The following C11orf65 variants were observed in gnomAD, a reference collection of about 807,000 sequenced individuals.
C11orf65 encodes the protein chromosome 11 open reading frame 65, also known as protein MFI.
A neutral mutation model predicts 35.3 loss-of-function variants in C11orf65; 38 were observed. That is an observed-to-expected ratio of 1.08 (90% CI 0.83 to 1.41). The LOEUF (loss-of-function observed/expected upper bound fraction) is 1.41. C11orf65 is among the 40% of genes most tolerant of loss of function. The probability of loss-of-function intolerance (pLI) is 0.00; values close to 1 mark genes in which losing one functional copy is unlikely to be tolerated. For missense variants in C11orf65, 370 were observed against 367.1 expected, an observed-to-expected ratio of 1.01 and a Z score of -0.06; for synonymous variants, 105 against 114.4, an observed-to-expected ratio of 0.92 and a Z score of 0.53.
intron 2 of C11orf65, among the ~76,000 whole-genome samples, chr11:108,452,626 T>G (rs140773394): frequency 0.022 from 3,324 of 152,248 alleles, 92 homozygotes; most frequent in African/African-American, 0.069. Flanking sequence ...GAAATACCAT[T>G]TGAGCCAGCC....
intron 3 of C11orf65, among the ~76,000 whole-genome samples, chr11:108,420,290 A>C (rs11212621): frequency 0.17 from 25,332 of 152,210 alleles, 2,777 homozygotes; most frequent in East Asian, 0.31. Context: ...TGCTTATATG[A>C]AGTTTGAGTG....
At chr11:108,329,461 C>T (rs1342407671), downstream of C11orf65, among the ~76,000 whole-genome samples, 1 of 151,762 alleles carries the variant, frequency 6.6e-6, no homozygotes, top group East Asian at 1.9e-4. Context: ...GGCTGGAGTA[C>T]AGTGGCGTGA....
At chr11:108,342,620 G>C (rs2087725834) in intron 2 of C11orf65, among the ~76,000 whole-genome samples, 1 of 152,088 alleles carries the variant, frequency 6.6e-6, no homozygotes, top group African/African-American at 2.4e-5. Flanking sequence ...TCCTAGATTT[G>C]ATAAAGCTGT....
At chr11:108,325,922 A>G in intron 6 of C11orf65, 4 of 1,057,480 alleles carry the variant, frequency 3.8e-6, no homozygotes, top group Non-Finnish European at 5.6e-6. Context: ...ATGCAGACAG[A>G]GAGGTCCTTA....
At chr11:108,392,244 G>A (rs1428508032) in intron 7 of C11orf65, among the ~76,000 whole-genome samples, 2 of 151,954 alleles carry the variant, frequency 1.3e-5, no homozygotes, top group East Asian at 1.9e-4. Flanking sequence ...ATGGGGTCTC[G>A]CTATGTTGCC....
chr11:108,365,065 A>G lies in C11orf65; in HGVS notation c.226+28143T>C, dbSNP rs2091194046. 1.2e-6 allele frequency: 2 copies of G among 1,613,006 alleles called. No individual in the cohort carries two copies. Among genetic ancestry groups the G allele is most frequent in the Non-Finnish European group, 8.5e-7 (1 of 1,179,090 alleles). On this transcript the variant is annotated intron_variant, in intron 2 of 3. Coordinates refer to the C11orf65 transcript ENST00000524755. ...AATGTACATTGTTCTTTTAATACATATGTTCTCTCTGTTTAGGTCCTTCTA... is the reference window on the plus strand; with the variant it reads ...AATGTACATTGTTCTTTTAATACATGTGTTCTCTCTGTTTAGGTCCTTCTA...
intron 2 of C11orf65, chr11:108,335,816 T>C (rs2086775041): frequency 1.9e-6 from 3 of 1,545,010 alleles, no homozygotes; most frequent in South Asian, 2.2e-5. Flanking sequence ...TAAACTGTAC[T>C]TGTTTATTCA....
chr11:108,455,815 C>CA (rs112701513), intron 2 of C11orf65, among the ~76,000 whole-genome samples: 631 of 56,096 alleles, frequency 0.011, 42 homozygotes, highest in African/African-American at 0.028. Flanking sequence ...GACTCCACCT[C>CA]AAAAAAAAAA....
At chr11:108,402,708 C>T (rs1358868161) in intron 6 of C11orf65, among the ~76,000 whole-genome samples, 2 of 149,096 alleles carry the variant, frequency 1.3e-5, no homozygotes, top group South Asian at 2.2e-4. Flanking sequence ...CACCCTCTGA[C>T]GTTTCCTTGT....
intron 2 of C11orf65, among the ~76,000 whole-genome samples, chr11:108,447,891 G>C (rs1037636483): frequency 6.6e-6 from 1 of 151,944 alleles, no homozygotes; most frequent in Non-Finnish European, 1.5e-5. Flanking sequence ...CTGCTAGCAA[G>C]ACTAATAAAG....
chr11:108,373,713 A>T (rs1344095944), intron 2 of C11orf65, among the ~76,000 whole-genome samples: 2 of 152,246 alleles, frequency 1.3e-5, no homozygotes, highest in African/African-American at 4.8e-5. Context: ...CAGCCGAAGC[A>T]GGGCGTGGCA....
At chr11:108,442,790 T>C (rs376119977) in intron 2 of C11orf65, among the ~76,000 whole-genome samples, 3 of 152,152 alleles carry the variant, frequency 2.0e-5, no homozygotes, top group Non-Finnish European at 4.4e-5. Context: ...GATTTTGTCA[T>C]CACCAGGCCT....
At chr11:108,370,890 A>G (rs2091553473) in intron 2 of C11orf65, among the ~76,000 whole-genome samples, 1 of 152,156 alleles carries the variant, frequency 6.6e-6, no homozygotes, top group African/African-American at 2.4e-5. Context: ...TAGTGTTTCC[A>G]AGTGGGATTT....
chr11:108,343,824 AG>A (rs2087925430), intron 2 of C11orf65, among the ~76,000 whole-genome samples: 1 of 152,150 alleles, frequency 6.6e-6, no homozygotes. Flanking sequence ...AAGATTATGA[AG>A]TAATTTTTTA....
At chr11:108,439,639 T>C (rs2093119062) in intron 2 of C11orf65, among the ~76,000 whole-genome samples, 1 of 152,200 alleles carries the variant, frequency 6.6e-6, no homozygotes, top group Non-Finnish European at 1.5e-5. Context: ...ATATTATCCA[T>C]CCTTAGAAAG....
At chr11:108,440,830 G>A (rs2093140798) in intron 2 of C11orf65, among the ~76,000 whole-genome samples, 2 of 152,160 alleles carry the variant, frequency 1.3e-5, no homozygotes, top group African/African-American at 4.8e-5. Flanking sequence ...AGATGAAAGG[G>A]AAAATATGAC....
chr11:108,370,621 TG>T (rs201794284), intron 2 of C11orf65, among the ~76,000 whole-genome samples: 1,757 of 150,288 alleles, frequency 0.012, 38 homozygotes, highest in African/African-American at 0.039. Context: ...GGTTTTGTTT[TG>T]TTTTTTTTTA....
At chr11:108,383,764 C>G (rs2138273607) in intron 8 of C11orf65, among the ~76,000 whole-genome samples, 1 of 152,296 alleles carries the variant, frequency 6.6e-6, no homozygotes, top group East Asian at 1.9e-4. Context: ...CAAATCTCCA[C>G]TACTTAAAAT....
At chr11:108,452,922 T>A (rs1222964583) in intron 2 of C11orf65, among the ~76,000 whole-genome samples, 1 of 145,068 alleles carries the variant, frequency 6.9e-6, no homozygotes, top group Non-Finnish European at 1.5e-5. Context: ...ACACCGCATG[T>A]GCTCCCTCAT....
Sources: gnomAD v4.1 joint callset for allele counts (sites outside exome capture counted in the v4.1 genomes callset) on GRCh38, gnomAD v4.1.1 for gene constraint, MANE v1.5 for transcripts, NCBI Gene and HGNC (gene_info 2026-07-23, HGNC 2026-07-21) for gene names.